The following NES variants were observed in gnomAD, a reference collection of about 807,000 sequenced individuals.
The protein encoded by NES is nestin.
In NES, 27 loss-of-function variants were observed where a neutral mutation model predicts 35.6. The observed-to-expected ratio is 0.76, with a 90% CI of 0.56 to 1.04. The LOEUF is 1.04. NES is among the 50% of genes least tolerant of loss of function. The pLI is 0.00. For missense variants in NES, 1,867 were observed against 1,983.6 expected (o/e 0.94, Z 1.12); for synonymous variants, 822 against 824.2 (o/e 1.00, Z 0.04).
chr1:156,671,829 G>C lies in NES; in HGVS notation c.2359C>G (p.Pro787Ala). Reference sequence around the variant, plus strand: ...ATCTCCTGGTCAAGAGACTTCAGTGGTTCTAGATCCACTTTTTCTGGGGGT... The same window carrying C: ...ATCTCCTGGTCAAGAGACTTCAGTGCTTCTAGATCCACTTTTTCTGGGGGT... The part of the protein sequence containing the change: ...LRPPEKVDLE[P>A]LKSLDQEIAR... The change falls in exon 4 of 4, where the codon CCA becomes GCA. Residue 787 changes from proline (P) to alanine (A), a missense_variant. Pro to Ala is a conservative substitution (Grantham distance 27). Transcript: ENST00000368223. 1 of 1,613,872 alleles carries C rather than the reference G, an allele frequency of 6.2e-7. No individual in the cohort carries two copies. The highest frequency in any genetic ancestry group is 8.5e-7 in the Non-Finnish European group (1 of 1,179,982).
At position 156,670,073 on chromosome 1, in the gene NES, A is replaced by C. The variant is rs925325847; in HGVS notation, c.4115T>G (p.Leu1372Arg). ...DSDLSEEFEDLGTEAPFLPGV... is the reference protein window; with the variant it reads ...DSDLSEEFEDRGTEAPFLPGV... The stretch of plus-strand genomic sequence containing the variant: ...AGGAAGAAAAGGTGCCTCAGTCCCC[A>C]GGTCCTCAAATTCTTCTGACAGGTC... Residue 1372 changes from leucine (L) to arginine (R), a missense_variant, in exon 4 of 4, where the codon CTG becomes CGG. Leu to Arg is a moderately radical substitution (Grantham distance 102, BLOSUM62 -2). Coordinates refer to ENST00000368223, the MANE Select transcript of NES (RefSeq NM_006617.2). The C allele has an allele frequency of 6.2e-7, 1 of 1,613,992 alleles. No homozygotes were observed. Among genetic ancestry groups the C allele is most frequent in the African/African-American group, 1.3e-5 (1 of 75,004 alleles).
Position 156,673,515 on chromosome 1 carries a change from C to A in NES, c.921G>T (p.Glu307Asp). 1.2e-6 allele frequency: 2 copies of A among 1,612,306 alleles called. No individual in the cohort carries two copies. The highest frequency in any genetic ancestry group is 1.7e-6 in the Non-Finnish European group (2 of 1,178,784). ...LEVATYRTLL[E>D]AENSRLQTPG... is the part of the protein sequence containing the mutation. ...GTGTTTGCAGCCGGGAGTTCTCAGCCTCCAGGAGGGTCCTGGAGAGGACAG... is the reference window on the plus strand; with the variant it reads ...GTGTTTGCAGCCGGGAGTTCTCAGCATCCAGGAGGGTCCTGGAGAGGACAG... The change falls in exon 3 of 4, where the codon GAG becomes GAT. Residue 307 changes from glutamate (E) to aspartate (D), a missense_variant. Physicochemically the swap from Glu to Asp is conservative, Grantham distance 45. Coordinates refer to ENST00000368223, the MANE Select transcript of NES (RefSeq NM_006617.2).
chr1:156,675,300 TG>T lies in NES; in HGVS notation c.823del (p.Gln275ArgfsTer77). The T allele has an allele frequency of 6.2e-7, 1 of 1,613,266 alleles. No homozygotes were observed. Among genetic ancestry groups the T allele is most frequent in the South Asian group, 1.1e-5 (1 of 91,020 alleles). The stretch of plus-strand genomic sequence containing the variant: ...TTCCAGGACCTGAGCGATCTGGCTC[TG>T]TAGGCCCTGTTTCTCCTGCTCCAGG... ...EALEQEKQGL[Q>X]SQIAQVLEGR... is the part of the protein sequence containing the mutation. On this transcript the variant is annotated frameshift_variant, in exon 2 of 4. Transcript: ENST00000368223. LOFTEE classifies it high-confidence loss of function.
Position 156,676,120 on chromosome 1 carries a change from C to G in NES, c.783+362G>C, listed in dbSNP as rs1647282135. Among the ~76,000 whole-genome samples the G allele has an allele frequency of 6.6e-6, 1 of 152,230 alleles. No individual in the cohort carries two copies. Among genetic ancestry groups the G allele is most frequent in the Non-Finnish European group, 1.5e-5 (1 of 68,032 alleles). Reference sequence around the variant, plus strand: ...TGGTGATTCTGAGTGGCCAGGCCACCAGATTCAGCGCAGAGGCGACAGTGC... The same window carrying G: ...TGGTGATTCTGAGTGGCCAGGCCACGAGATTCAGCGCAGAGGCGACAGTGC... On this transcript the variant is annotated intron_variant, in intron 1 of 3. Transcript: ENST00000368223. This position sits in a 1 kb window ranked among gnomAD's most constrained non-coding sequence, Gnocchi z 5.3.
Position 156,671,819 on chromosome 1 carries a change from G to T in NES, c.2369C>A (p.Ser790Tyr). 6.2e-7 allele frequency: 1 copy of T among 1,614,044 alleles called. No individual in the cohort carries two copies. The highest frequency in any genetic ancestry group is 1.1e-5 in the South Asian group (1 of 91,066). The change falls in exon 4 of 4, where the codon TCT becomes TAT. Residue 790 changes from serine to tyrosine, a missense_variant. By Grantham distance (144) the Ser-to-Tyr change is moderately radical. Coordinates refer to ENST00000368223, the MANE Select transcript of NES (RefSeq NM_006617.2). ...AGGTCTAGCTATCTCCTGGTCAAGA[G>T]ACTTCAGTGGTTCTAGATCCACTTT... ...PEKVDLEPLKSLDQEIARPLE... is the reference protein window; with the variant it reads ...PEKVDLEPLKYLDQEIARPLE...
At position 156,677,187 on chromosome 1, in the gene NES, G is replaced by C. The variant is rs758409143; in HGVS notation, c.78C>G (p.Val26=). The change falls in exon 1 of 4, where the codon GTC becomes GTG. Residue 26 remains valine (V), a synonymous_variant. Transcript: ENST00000368223. The surrounding 1 kb of genome is among the most constrained non-coding windows in gnomAD (Gnocchi z 4.5). ...GCTCATTCTGCTCCTCCAGCGCCTT[G>C]ACCCGGGCCAGGTAGGCCTCCAGGC... ...NRRLEAYLAR[V]KALEEQNELL... The C allele has an allele frequency of 6.2e-7, 1 of 1,612,594 alleles. No homozygotes were observed. Among genetic ancestry groups the C allele is most frequent in the Non-Finnish European group, 8.5e-7 (1 of 1,179,912 alleles).
chr1:156,672,461 G>C lies in NES; in HGVS notation c.1727C>G (p.Pro576Arg). 1 of 1,611,592 alleles carries C rather than the reference G, an allele frequency of 6.2e-7. No homozygotes were observed. The highest frequency in any genetic ancestry group is 8.5e-7 in the Non-Finnish European group (1 of 1,179,340). Residue 576 changes from proline (P) to arginine (R), a missense_variant, in exon 4 of 4, where the codon CCG becomes CGG. Coordinates refer to ENST00000368223, the MANE Select transcript of NES (RefSeq NM_006617.2). ...ETLERENQEC[P>R]RSLEEDLETL... ...TTCTAAGTCTTCTTCTAAAGACCTC[G>C]GACATTCTTGATTCTCCCTTTCTAG...
chr1:156,672,610 T>C lies in NES; in HGVS notation c.1578A>G (p.Glu526=). 1 of 1,613,694 alleles carries C rather than the reference T, an allele frequency of 6.2e-7. No homozygotes were observed. The highest frequency in any genetic ancestry group is 1.1e-5 in the South Asian group (1 of 91,018). Residue 526 remains glutamate, a synonymous_variant, in exon 4 of 4, where the codon GAA becomes GAG. Transcript: ENST00000368223. ...GGATTTCCTTCCTGTTTAGATCCTC[T>C]TCTTCCCATATTTCCTGCTGCAAGC... is the stretch of plus-strand genomic sequence containing the variant. ...VSSLQQEIWE[E]EDLNRKEIQD...
At chr1:156,674,235 C>T (rs1679794824) in intron 2 of NES, among the ~76,000 whole-genome samples, 1 of 152,136 alleles carries the variant, frequency 6.6e-6, no homozygotes, top group South Asian at 2.1e-4. Context: ...TCCTCAGCGC[C>T]CCTTGAACCA....
chr1:156,669,591 T>C lies in NES; in HGVS notation c.4597A>G (p.Ile1533Val), dbSNP rs1305061568. The change falls in exon 4 of 4, where the codon ATT becomes GTT. Residue 1533 changes from isoleucine (I) to valine (V), a missense_variant. Coordinates refer to ENST00000368223, the MANE Select transcript of NES (RefSeq NM_006617.2). ...MEDAGPGADI[I>V]GVNGQGPNLE... ...TTGGGACCCTGGCCATTAACACCAA[T>C]GATGTCTGCCCCTGGGCCTGCATCC... The C allele has an allele frequency of 9.3e-6, 15 of 1,613,950 alleles. No individual in the cohort carries two copies. The highest frequency in any genetic ancestry group is 1.1e-5 in the Non-Finnish European group (13 of 1,179,968).
In NES at chr1:156,677,326, G is replaced by T; in HGVS notation, c.-62C>A. 3 of 1,181,050 alleles carry T rather than the reference G, an allele frequency of 2.5e-6. No homozygotes were observed. Among genetic ancestry groups the T allele is most frequent in the Non-Finnish European group, 3.4e-6 (3 of 886,192 alleles). The allele number at this position is 1,181,050 out of a possible 1,614,324, so 73.2% of individuals were successfully genotyped here. A position where few individuals can be genotyped will look rare whatever the true frequency, so the allele number is the denominator to read the frequency against. ...GGGCACCGGGAGAAGGGAGCGGCTC[G>T]CAGAGCTTTTAGGACGGAAGAGAAA... On this transcript the variant is annotated 5_prime_UTR_variant, in exon 1 of 4. Coordinates refer to ENST00000368223, the MANE Select transcript of NES (RefSeq NM_006617.2). This position sits in a 1 kb window ranked among gnomAD's most constrained non-coding sequence, Gnocchi z 4.5.
rs761172336 is a variant in NES, at chr1:156,672,528, G to C, written c.1660C>G (p.Gln554Glu). ...ETLKSLGEEI[Q>E]ESLKTLENQS... is the part of the protein sequence containing the mutation. The stretch of plus-strand genomic sequence containing the variant: ...TTTTCCAGAGTCTTCAGTGACTCTT[G>C]AATCTCCTCTCCCAGAGACTTCAGG... The change falls in exon 4 of 4, where the codon CAA (glutamine) becomes GAA (glutamate). Residue 554 changes from glutamine (Q) to glutamate (E), a missense_variant. By Grantham distance (29) the Gln-to-Glu change is conservative. Coordinates refer to ENST00000368223, the MANE Select transcript of NES (RefSeq NM_006617.2). The C allele has an allele frequency of 6.2e-7, 1 of 1,613,808 alleles. No homozygotes were observed.
chr1:156,675,335 A>G lies in NES; in HGVS notation c.789T>C (p.Ala263=). The part of the protein sequence containing the change: ...RLRATEKFQL[A]VEALEQEKQG... The stretch of plus-strand genomic sequence containing the variant: ...GTTTCTCCTGCTCCAGGGCCTCCAC[A>G]GCCAGCTGCAGGGCAGGCGAGAGGC... Residue 263 remains alanine, a synonymous_variant, in exon 2 of 4, where the codon GCT becomes GCC. Coordinates refer to ENST00000368223, the MANE Select transcript of NES (RefSeq NM_006617.2). 6.2e-7 allele frequency: 1 copy of G among 1,606,054 alleles called. No individual in the cohort carries two copies. The highest frequency in any genetic ancestry group is 8.5e-7 in the Non-Finnish European group (1 of 1,174,454).
rs770701642 is a variant in NES at position 156,669,728 on chromosome 1, G to A, written c.4460C>T (p.Thr1487Met). 2.2e-5 allele frequency: 36 copies of A among 1,613,992 alleles called. No homozygotes were observed. The Admixed American group carries it at 4.8e-4, about 22-fold the overall frequency. ...VAGAPKTALETESQDSAEPSG... is the reference protein window; with the variant it reads ...VAGAPKTALEMESQDSAEPSG... ...AGGCTCAGCACTGTCCTGGGACTCCGTTTCCAGGGCAGTCTTGGGGGCACC... is the reference window on the plus strand; with the variant it reads ...AGGCTCAGCACTGTCCTGGGACTCCATTTCCAGGGCAGTCTTGGGGGCACC... The change falls in exon 4 of 4, where the codon ACG becomes ATG. Residue 1487 changes from threonine (T) to methionine (M), a missense_variant. Thr to Met is a moderately conservative substitution (Grantham distance 81). Coordinates refer to ENST00000368223, the MANE Select transcript of NES (RefSeq NM_006617.2).
chr1:156,669,471 C>T lies in NES; in HGVS notation c.4717G>A (p.Gly1573Arg), dbSNP rs1210197764. The T allele has an allele frequency of 5.6e-6, 9 of 1,613,598 alleles. No individual in the cohort carries two copies. Among genetic ancestry groups the T allele is most frequent in the Middle Eastern group, 3.3e-4 (2 of 6,080 alleles). Residue 1573 changes from glycine (G) to arginine (R), a missense_variant, in exon 4 of 4, where the codon GGA (glycine) becomes AGA (arginine). Gly to Arg is a moderately radical substitution (Grantham distance 125, BLOSUM62 -2). Coordinates refer to ENST00000368223, the MANE Select transcript of NES (RefSeq NM_006617.2). Reference protein sequence around the residue: ...VGQGMPLVSEGDRGSPFQEEE... With the variant: ...VGQGMPLVSERDRGSPFQEEE... The stretch of plus-strand genomic sequence containing the variant: ...TCCTGAAAGGGGCTCCCTCGGTCTC[C>T]CTCAGAGACTAGCGGCATTCCTTGC...
chr1:156,673,419 G>T, intron 3 of NES, 35 bp downstream of exon 3: 1 of 1,581,262 alleles, frequency 6.3e-7, no homozygotes, highest in Non-Finnish European at 8.7e-7. Flanking sequence ...AGCAAAGCAG[G>T]GTAGTTTCTG....
chr1:156,673,308 G>C, intron 3 of NES, 103 bp from the exon 4 acceptor site: 1 of 1,293,690 alleles, frequency 7.7e-7, no homozygotes, highest in Non-Finnish European at 1.1e-6. Context: ...GCCTGCCCCT[G>C]GCGCCCATGG....
intron 2 of NES, 32 bp from the exon 3 acceptor site, chr1:156,673,559 C>T: frequency 6.4e-7 from 1 of 1,554,222 alleles, no homozygotes; most frequent in Non-Finnish European, 8.8e-7. Flanking sequence ...TGGGGTCAGC[C>T]CTCTGCCCCC....
At position 156,672,572 on chromosome 1, in the gene NES, A is replaced by G. The variant is rs574649258; in HGVS notation, c.1616T>C (p.Val539Ala). 1.9e-6 allele frequency: 3 copies of G among 1,613,758 alleles called. No homozygotes were observed. The Admixed American group carries it at 5.0e-5, about 27-fold the overall frequency. The change falls in exon 4 of 4, where the codon GTT becomes GCT. Residue 539 changes from valine to alanine, a missense_variant. Transcript: ENST00000368223. ...CTTCAGGGTTTCTTTTTCCAAAGGA[A>G]CCTGGGAGTCCTGGATTTCCTTCCT... is the stretch of plus-strand genomic sequence containing the variant. ...LNRKEIQDSQ[V>A]PLEKETLKSL... is the part of the protein sequence containing the mutation.
Sources: gnomAD v4.1 joint callset for allele counts (sites outside exome capture counted in the v4.1 genomes callset) on GRCh38, gnomAD v4.1.1 for gene constraint, Gnocchi (gnomAD v3.1) non-coding constraint, MANE v1.5 for transcripts, NCBI Gene and HGNC (gene_info 2026-07-23, HGNC 2026-07-21) for gene names.